The following NEK1 variants were observed in gnomAD, a reference collection of about 807,000 sequenced individuals.
NEK1 encodes the protein serine/threonine-protein kinase Nek1.
NEK1 carries 137 observed loss-of-function variants against 182.1 expected under a neutral mutation model. The observed-to-expected ratio is 0.75, with a 90% CI of 0.65 to 0.87. The LOEUF (loss-of-function observed/expected upper bound fraction) is 0.87, where lower values mean the gene tolerates loss of function less well. NEK1 is among the 40% of genes least tolerant of loss of function. NEK1 has a pLI of 0.00. For synonymous variants in NEK1, 513 were observed against 492.2 expected (o/e 1.04, Z -0.56); for missense variants, 1,391 against 1,494.4 (o/e 0.93, Z 1.14).
At chr4:169,510,396 A>C (rs1297585813) in intron 19 of NEK1, among the ~76,000 whole-genome samples, 1 of 152,152 alleles carries the variant, frequency 6.6e-6, no homozygotes, top group Non-Finnish European at 1.5e-5. Flanking sequence ...TCAGCCACTC[A>C]AGTCAGCAAA....
At chr4:169,607,779 A>C (rs1771627337) in intron 2 of NEK1, among the ~76,000 whole-genome samples, 1 of 152,040 alleles carries the variant, frequency 6.6e-6, no homozygotes, top group Non-Finnish European at 1.5e-5. Context: ...TTTATTTCTA[A>C]AAAGTGGACA....
rs1185395720 is a variant in NEK1 at position 169,588,630 on chromosome 4, T to C, written c.551+19A>G. 2.1e-6 allele frequency: 3 copies of C among 1,423,326 alleles called. No homozygotes were observed. Among genetic ancestry groups the C allele is most frequent in the South Asian group, 1.2e-5 (1 of 80,018 alleles). 88.2% of individuals were successfully genotyped at this position (1,423,326 alleles called of 1,614,324 possible). ...AATTGAAAGCAAATACATCACATAA[T>C]GAATATCATTTTAAATACCTTTTAT... is the stretch of plus-strand genomic sequence containing the variant. On this transcript the variant is annotated intron_variant, in intron 8 of 35. Transcript: ENST00000507142.
intron 23 of NEK1, among the ~76,000 whole-genome samples, chr4:169,493,179 T>A (rs145745584): frequency 6.6e-6 from 1 of 152,006 alleles, no homozygotes; most frequent in African/African-American, 2.4e-5. Context: ...CAAACCTACC[T>A]GCAACCAAAA....
intron 28 of NEK1, among the ~76,000 whole-genome samples, chr4:169,435,336 C>T (rs1738203350): frequency 6.6e-6 from 1 of 152,214 alleles, no homozygotes; most frequent in East Asian, 1.9e-4. Flanking sequence ...AAAGACTCCA[C>T]TTCCAATACC....
intron 27 of NEK1, 93 bp from the exon 28 acceptor site, chr4:169,438,352 T>A: frequency 1.1e-6 from 1 of 906,572 alleles, no homozygotes; most frequent in Non-Finnish European, 1.6e-6. Context: ...AAAGCTGCAT[T>A]ACTGCAACAG....
At chr4:169,460,033 A>G (rs1347852328) in intron 27 of NEK1, among the ~76,000 whole-genome samples, 1 of 152,138 alleles carries the variant, frequency 6.6e-6, no homozygotes, top group Non-Finnish European at 1.5e-5. Context: ...CTTTGGTGAT[A>G]ATGATGTGTC....
At chr4:169,440,020 A>G (rs990139046) in intron 27 of NEK1, among the ~76,000 whole-genome samples, 2 of 151,460 alleles carry the variant, frequency 1.3e-5, no homozygotes, top group African/African-American at 2.4e-5. Flanking sequence ...CTAATTTTTT[A>G]TATTTTTAGT....
At chr4:169,421,563 A>G (rs1214228394) in intron 31 of NEK1, among the ~76,000 whole-genome samples, 1 of 152,014 alleles carries the variant, frequency 6.6e-6, no homozygotes. Context: ...ATGAGATCTG[A>G]CAATTTAAAA....
intron 2 of NEK1, among the ~76,000 whole-genome samples, chr4:169,606,627 C>T (rs1771383446): frequency 6.6e-6 from 1 of 152,158 alleles, no homozygotes; most frequent in African/African-American, 2.4e-5. Context: ...ATAAGTACTC[C>T]TCTCCCATCT....
intron 2 of NEK1, among the ~76,000 whole-genome samples, chr4:169,611,253 A>G (rs972581060): frequency 6.6e-6 from 1 of 152,234 alleles, no homozygotes; most frequent in African/African-American, 2.4e-5. Context: ...AATTCCTGAC[A>G]GTGACTTTTA....
In NEK1 at chr4:169,576,958, G is replaced by A. The variant is rs775175372; in HGVS notation, c.990C>T (p.His330=). 20 of 1,610,200 alleles carry A rather than the reference G, an allele frequency of 1.2e-5. No individual in the cohort carries two copies. Among genetic ancestry groups the A allele is most frequent in the South Asian group, 5.5e-5 (5 of 90,778 alleles). ...TATGTTTTTGCAGTGGTTTCTTTTC[G>A]TGTAATTTTTTATCTCCATATTTCT... ...AYKKYGDKKL[H]EKKPLQKHKQ... is the part of the protein sequence containing the mutation. The change falls in exon 12 of 36, where the codon CAC becomes CAT. Residue 330 remains histidine (H), a synonymous_variant. Coordinates refer to ENST00000507142, the MANE Select transcript of NEK1 (RefSeq NM_001199397.3).
intron 19 of NEK1, 60 bp downstream of exon 19, chr4:169,537,748 TC>T: frequency 8.0e-7 from 1 of 1,249,290 alleles, no homozygotes; most frequent in South Asian, 1.2e-5. Flanking sequence ...CTTACCTTAT[TC>T]CAGACCTTCA....
chr4:169,564,014 T>C (rs1328212645), intron 12 of NEK1, among the ~76,000 whole-genome samples: 4 of 152,198 alleles, frequency 2.6e-5, no homozygotes, highest in Non-Finnish European at 5.9e-5. Flanking sequence ...CCAGGATTTC[T>C]GCATATGTTC....
At chr4:169,499,199 C>T (rs1751955508) in intron 23 of NEK1, among the ~76,000 whole-genome samples, 1 of 152,194 alleles carries the variant, frequency 6.6e-6, no homozygotes, top group African/African-American at 2.4e-5. Flanking sequence ...AAATTGGCTA[C>T]TGAGGCTTGT....
chr4:169,610,577 T>A (rs988231447), intron 2 of NEK1, among the ~76,000 whole-genome samples: 1 of 152,140 alleles, frequency 6.6e-6, no homozygotes, highest in African/African-American at 2.4e-5. Flanking sequence ...CCTCCCAAAC[T>A]GCTGGGATTA....
At chr4:169,527,593 C>T (rs1208113894) in intron 19 of NEK1, among the ~76,000 whole-genome samples, 1 of 151,894 alleles carries the variant, frequency 6.6e-6, no homozygotes, top group East Asian at 1.9e-4. Context: ...TGTTTATAAA[C>T]AGATTGTAAA....
chr4:169,471,551 G>A (rs766303364), intron 26 of NEK1, among the ~76,000 whole-genome samples: 4 of 152,174 alleles, frequency 2.6e-5, no homozygotes, highest in Non-Finnish European at 4.4e-5. Flanking sequence ...CCTGTTTGAG[G>A]TGTCTGTCGT....
At chr4:169,470,843 C>T (rs978065286) in intron 26 of NEK1, among the ~76,000 whole-genome samples, 2 of 152,020 alleles carry the variant, frequency 1.3e-5, no homozygotes, top group East Asian at 3.8e-4. Context: ...TTTCTCTAAT[C>T]TTGTCTTCAC....
Position 169,475,439 on chromosome 4 carries a change from CATGA to C in NEK1, c.2434+1681_2434+1684del, listed in dbSNP as rs551826527. Among the ~76,000 whole-genome samples, 340 of 152,174 alleles carry C rather than the reference CATGA, an allele frequency of 2.2e-3. 1 individual carries two copies. The highest frequency in any genetic ancestry group is 7.8e-3 in the African/African-American group (323 of 41,498). On this transcript the variant is annotated intron_variant, in intron 26 of 35. Coordinates refer to ENST00000507142, the MANE Select transcript of NEK1 (RefSeq NM_001199397.3). The stretch of plus-strand genomic sequence containing the variant: ...CACCTCACAAATATTAAAAATAAGA[CATGA>C]ATGAATCAAACTGAGTCCAAGTATT...
Sources: gnomAD v4.1 joint callset for allele counts (sites outside exome capture counted in the v4.1 genomes callset) on GRCh38, gnomAD v4.1.1 for gene constraint, MANE v1.5 for transcripts, NCBI Gene and HGNC (gene_info 2026-07-23, HGNC 2026-07-21) for gene names.